Variants in BCAS3 observed in about 807,000 individuals in gnomAD.
BCAS3 encodes the protein BCAS3 microtubule associated cell migration factor, also known as BCAS4/BCAS3 fusion.
A neutral mutation model predicts 116.1 loss-of-function variants in BCAS3; 53 were observed. That is an observed-to-expected ratio of 0.46 (90% confidence interval 0.37 to 0.57). BCAS3 has a LOEUF of 0.57. Ranked by LOEUF, BCAS3 falls within the 20% of genes least tolerant of loss-of-function variation. BCAS3 has a pLI of 0.00. For missense variants in BCAS3, 917 were observed against 1,165.4 expected, an observed-to-expected ratio of 0.79 and a Z score of 3.10; for synonymous variants, 391 against 408.2, an observed-to-expected ratio of 0.96 and a Z score of 0.51.
intron 21 of BCAS3, among the ~76,000 whole-genome samples, chr17:61,081,075 G>C (rs1377068021): frequency 6.6e-6 from 1 of 152,172 alleles, no homozygotes; most frequent in Non-Finnish European, 1.5e-5. Context: ...CCTCAACTTA[G>C]TGATTCAGTG....
chr17:60,711,165 T>A (rs1055230501), intron 5 of BCAS3, among the ~76,000 whole-genome samples: 1 of 149,380 alleles, frequency 6.7e-6, no homozygotes, highest in African/African-American at 2.5e-5. Context: ...TTTTTTTTTT[T>A]AACTTGGCTT....
chr17:61,048,031 A>G (rs2068504509), intron 19 of BCAS3, among the ~76,000 whole-genome samples: 1 of 152,060 alleles, frequency 6.6e-6, no homozygotes, highest in Admixed American at 6.6e-5. Flanking sequence ...TAGATATACA[A>G]TAGAAAGGTG....
At chr17:61,193,880 G>T (rs959363768) in intron 22 of BCAS3, among the ~76,000 whole-genome samples, 5 of 152,024 alleles carry the variant, frequency 3.3e-5, no homozygotes, top group African/African-American at 1.2e-4. Flanking sequence ...ACTTTGGGAG[G>T]CTGAAGTGGG....
In BCAS3 at chr17:61,332,617, A is replaced by AT. The variant is rs888942897; in HGVS notation, c.2426-35701dup. On this transcript the variant is annotated intron_variant, in intron 22 of 23. Transcript: ENST00000407086. The surrounding 1 kb of genome is among the most constrained non-coding windows in gnomAD (Gnocchi z 5.4). ...ATTATTATCCCCATCTTTTATTATT[A>AT]TTTTTTTTTATTTTTTGAGATAGAG... Among the ~76,000 whole-genome samples the AT allele has an allele frequency of 1.8e-4, 27 of 151,380 alleles. No homozygotes were observed. Among genetic ancestry groups the AT allele is most frequent in the South Asian group, 1.5e-3 (7 of 4,754 alleles).
At chr17:60,743,764 C>T (rs1289379394) in intron 5 of BCAS3, among the ~76,000 whole-genome samples, 6 of 152,210 alleles carry the variant, frequency 3.9e-5, no homozygotes, top group Non-Finnish European at 8.8e-5. Flanking sequence ...AGCACTTCTA[C>T]AGCTCTCCCA....
In BCAS3 at chr17:61,034,648, CTTATT is replaced by C; in HGVS notation, c.1638-10_1638-6del. ...TTCATCATGATAATTGTTTTTTACT[CTTATT>C]TTATTTTTTAAGCAAAGTTAAACCT... On this transcript the variant is annotated splice_polypyrimidine_tract_variant and intron_variant, in intron 16 of 23. Coordinates refer to ENST00000407086, the MANE Select transcript of BCAS3 (RefSeq NM_017679.5). The surrounding 1 kb of genome is among the most constrained non-coding windows in gnomAD (Gnocchi z 5.0). 1 of 1,585,254 alleles carries C rather than the reference CTTATT, an allele frequency of 6.3e-7. No homozygotes were observed. The highest frequency in any genetic ancestry group is 8.6e-7 in the Non-Finnish European group (1 of 1,162,248).
rs528914673 is a variant in BCAS3 at position 61,014,168 on chromosome 17, C to T, written c.1487-1583C>T. ...CATAAATGGGGTTGATAATTTTTAT[C>T]GACAGTCAAGAACAGTGATATAAAA... On this transcript the variant is annotated intron_variant, in intron 15 of 23. Coordinates refer to ENST00000407086, the MANE Select transcript of BCAS3 (RefSeq NM_017679.5). 2.0e-3 allele frequency among the ~76,000 whole-genome samples: 308 copies of T among 151,972 alleles called. 1 individual carries two copies. The highest frequency in any genetic ancestry group is 6.8e-3 in the African/African-American group (281 of 41,464).
rs116168771 is a variant in BCAS3 at position 60,719,405 on chromosome 17, T to C, written c.321+10080T>C. ...AACTTTTAGAAAAATCAAAAAATAA[T>C]TCGTCTTTTATGACAAACAGTTTGA... On this transcript the variant is annotated intron_variant, in intron 5 of 23. Coordinates refer to ENST00000407086, the MANE Select transcript of BCAS3 (RefSeq NM_017679.5). 6.6e-3 allele frequency among the ~76,000 whole-genome samples: 1,007 copies of C among 152,328 alleles called. 11 individuals carry two copies. The highest frequency in any genetic ancestry group is 0.023 in the African/African-American group (975 of 41,580).
chr17:60,697,418 A>G (rs1267787501), intron 4 of BCAS3, among the ~76,000 whole-genome samples: 1 of 151,506 alleles, frequency 6.6e-6, no homozygotes, highest in Non-Finnish European at 1.5e-5. Flanking sequence ...AAATAAATAA[A>G]TAAATAACTA....
At chr17:61,299,023 A>G (rs1047433772) in intron 22 of BCAS3, among the ~76,000 whole-genome samples, 3 of 151,080 alleles carry the variant, frequency 2.0e-5, no homozygotes, top group Non-Finnish European at 2.9e-5. Context: ...AGATTTCGCC[A>G]TGGTGGCCAG....
chr17:60,758,838 G>T (rs2043234947), intron 6 of BCAS3, among the ~76,000 whole-genome samples: 1 of 152,116 alleles, frequency 6.6e-6, no homozygotes, highest in Admixed American at 6.6e-5. Context: ...TTTGTTTCAA[G>T]AAATATTTTG....
intron 17 of BCAS3, chr17:61,036,531 A>G (rs1334995259): frequency 6.6e-6 from 1 of 152,134 alleles, no homozygotes; most frequent in Non-Finnish European, 1.5e-5. Flanking sequence ...TCGATTTCAA[A>G]TGCTTCTCCC....
intron 7 of BCAS3, among the ~76,000 whole-genome samples, chr17:60,845,969 C>T (rs1360929834): frequency 6.6e-6 from 1 of 151,444 alleles, no homozygotes; most frequent in Non-Finnish European, 1.5e-5. Flanking sequence ...CACTCTGTCA[C>T]TCAGGCTGGA....
At position 60,970,647 on chromosome 17, in the gene BCAS3, A is replaced by G. The variant is rs142262709; in HGVS notation, c.1222-19324A>G. On this transcript the variant is annotated intron_variant, in intron 14 of 23. Coordinates refer to ENST00000407086, the MANE Select transcript of BCAS3 (RefSeq NM_017679.5). ...CAGGAAAATTTAAATGTATGCACGT[A>G]GACTCAGTTTTAAATGCACATAATT... Among the ~76,000 whole-genome samples the G allele has an allele frequency of 2.6e-5, 4 of 152,358 alleles. No individual in the cohort carries two copies. In the East Asian group the frequency reaches 7.7e-4, roughly 29 times the overall value.
At chr17:60,935,173 T>C (rs139119950) in intron 13 of BCAS3, among the ~76,000 whole-genome samples, 526 of 151,972 alleles carry the variant, frequency 3.5e-3, no homozygotes, top group African/African-American at 0.012. Context: ...ATAGACGAAA[T>C]GAAAAATCTG....
chr17:60,925,338 G>A (rs555118596), intron 13 of BCAS3, among the ~76,000 whole-genome samples: 7 of 152,238 alleles, frequency 4.6e-5, no homozygotes, highest in South Asian at 2.1e-4. Flanking sequence ...TCTAAACTTC[G>A]TAAGTATTGC....
chr17:60,978,679 A>G (rs1239055389), intron 14 of BCAS3, among the ~76,000 whole-genome samples: 1 of 152,176 alleles, frequency 6.6e-6, no homozygotes, highest in Non-Finnish European at 1.5e-5. Flanking sequence ...TGATTTTTGT[A>G]TAAGGTGCAA....
chr17:61,035,065 A>G (rs568177214), intron 17 of BCAS3, among the ~76,000 whole-genome samples: 1 of 152,178 alleles, frequency 6.6e-6, no homozygotes, highest in South Asian at 2.1e-4. Context: ...TTCTATACCC[A>G]TTTTATACCT....
intron 22 of BCAS3, among the ~76,000 whole-genome samples, chr17:61,206,607 C>T (rs1241756933): frequency 6.6e-6 from 1 of 151,888 alleles, no homozygotes; most frequent in African/African-American, 2.4e-5. Context: ...CGAGACCAGC[C>T]TGATCAACGT....
Sources: gnomAD v4.1 joint callset for allele counts (sites outside exome capture counted in the v4.1 genomes callset) on GRCh38, gnomAD v4.1.1 for gene constraint, Gnocchi (gnomAD v3.1) non-coding constraint, MANE v1.5 for transcripts, NCBI Gene and HGNC (gene_info 2026-07-23, HGNC 2026-07-21) for gene names.